Variants in ACOXL observed in about 807,000 individuals in gnomAD.
The protein encoded by ACOXL is acyl-coenzyme A oxidase-like protein.
Under a neutral mutation model 71.9 loss-of-function variants are expected in ACOXL, and 70 were observed. The ratio of observed to expected loss-of-function variants is 0.97; its 90% CI spans 0.80 to 1.19. The LOEUF is 1.19. Among genes scored for constraint, ACOXL ranks in the 50% most tolerant of loss-of-function variants. The pLI is 0.00. For missense variants in ACOXL, 703 were observed against 736.3 expected (o/e 0.95, Z 0.52); for synonymous variants, 253 against 281.6 (o/e 0.90, Z 1.02).
intron 12 of ACOXL, among the ~76,000 whole-genome samples, chr2:110,948,349 T>C (rs1209331734): frequency 2.0e-5 from 3 of 152,202 alleles, no homozygotes; most frequent in African/African-American, 7.2e-5. Context: ...GTAAATTTTT[T>C]CAGAAAGTGA....
chr2:110,746,792 G>T (rs145385920), intron 1 of ACOXL, among the ~76,000 whole-genome samples: 16 of 151,754 alleles, frequency 1.1e-4, no homozygotes, highest in African/African-American at 3.6e-4. Flanking sequence ...CCTGCTTGTC[G>T]GCCTCCCCCT....
At chr2:110,830,779 C>CG (rs1282809885) in intron 9 of ACOXL, among the ~76,000 whole-genome samples, 1 of 152,092 alleles carries the variant, frequency 6.6e-6, no homozygotes, top group African/African-American at 2.4e-5. Flanking sequence ...GTGATCCCCC[C>CG]ACCTCGGCCT....
At chr2:110,733,675 T>C (rs1676476682) in intron 1 of ACOXL, among the ~76,000 whole-genome samples, 1 of 152,154 alleles carries the variant, frequency 6.6e-6, no homozygotes, top group South Asian at 2.1e-4. Context: ...CAGGCTGTCC[T>C]TGGAGAATCT....
intron 10 of ACOXL, among the ~76,000 whole-genome samples, chr2:110,853,449 C>G (rs1297177517): frequency 2.0e-5 from 3 of 152,176 alleles, no homozygotes; most frequent in Non-Finnish European, 4.4e-5. Flanking sequence ...TTGGCATAGG[C>G]TGAATCAAAT....
intron 14 of ACOXL, among the ~76,000 whole-genome samples, chr2:111,003,130 A>AT (rs1254026664): frequency 1.3e-5 from 2 of 152,120 alleles, no homozygotes; most frequent in African/African-American, 4.8e-5. Flanking sequence ...CAAATCATTC[A>AT]TTTTTTCCTG....
At chr2:111,030,816 T>C (rs1419069807) in intron 14 of ACOXL, among the ~76,000 whole-genome samples, 1 of 152,238 alleles carries the variant, frequency 6.6e-6, no homozygotes, top group Non-Finnish European at 1.5e-5. Context: ...AGAAAAGTTT[T>C]ACGGGCCACA....
At chr2:110,841,930 C>T (rs756430032) in intron 10 of ACOXL, among the ~76,000 whole-genome samples, 35 of 152,150 alleles carry the variant, frequency 2.3e-4, no homozygotes, top group Non-Finnish European at 4.7e-4. Context: ...GTGTTGATAT[C>T]AACATTTTCC....
intron 17 of ACOXL, among the ~76,000 whole-genome samples, chr2:111,102,683 G>C (rs2069253282): frequency 1.3e-5 from 2 of 152,006 alleles, no homozygotes; most frequent in Admixed American, 1.3e-4. Context: ...AGACTCATCT[G>C]AGTCCAATCA....
chr2:111,049,176 C>T lies in ACOXL; in HGVS notation c.1370-42C>T, dbSNP rs765242009. The T allele has an allele frequency of 4.1e-5, 60 of 1,467,700 alleles. 1 individual carries two copies. Among genetic ancestry groups the T allele is most frequent in the South Asian group, 3.0e-4 (26 of 87,250 alleles). 90.9% of individuals were successfully genotyped at this position (1,467,700 alleles called of 1,614,324 possible). Reference sequence around the variant, plus strand: ...CCTTCACATCAGAAGGGCTCTGAGGCGGAAGTGAAGTCATTCACAATTTCC... The same window carrying T: ...CCTTCACATCAGAAGGGCTCTGAGGTGGAAGTGAAGTCATTCACAATTTCC... On this transcript the variant is annotated intron_variant, in intron 15 of 17. Transcript: ENST00000439055.
chr2:110,816,496 C>G (rs1197554859), intron 9 of ACOXL, among the ~76,000 whole-genome samples: 4 of 152,146 alleles, frequency 2.6e-5, no homozygotes, highest in Non-Finnish European at 5.9e-5. Flanking sequence ...CTTGTGCACC[C>G]CAGGGTATTT....
intron 17 of ACOXL, among the ~76,000 whole-genome samples, chr2:111,113,324 T>C (rs1457819047): frequency 6.6e-6 from 1 of 152,210 alleles, no homozygotes; most frequent in Non-Finnish European, 1.5e-5. Context: ...TTATGAGTAC[T>C]GAATAAGACA....
chr2:110,984,784 AGGGAGAACAGGAAGGG>A (rs1304651537), intron 12 of ACOXL, among the ~76,000 whole-genome samples: 39 of 152,252 alleles, frequency 2.6e-4, no homozygotes, highest in African/African-American at 8.4e-4. Flanking sequence ...TGGATGAGAT[AGGGAGAACAGGAAGGG>A]AATGTACTTA....
intron 10 of ACOXL, among the ~76,000 whole-genome samples, chr2:110,845,798 T>C (rs183132911): frequency 2.1e-4 from 32 of 152,346 alleles, no homozygotes; most frequent in Non-Finnish European, 1.5e-5. Flanking sequence ...TTCCATAGCA[T>C]GTATAGGCCA....
At chr2:110,938,573 A>G (rs1000708818) in intron 12 of ACOXL, among the ~76,000 whole-genome samples, 1 of 152,234 alleles carries the variant, frequency 6.6e-6, no homozygotes, top group African/African-American at 2.4e-5. Context: ...CTTGATCACT[A>G]CAGCCTAAGT....
chr2:110,975,703 T>C (rs2062414354), intron 12 of ACOXL, among the ~76,000 whole-genome samples: 1 of 151,718 alleles, frequency 6.6e-6, no homozygotes, highest in South Asian at 2.1e-4. Context: ...TTAGTAACCC[T>C]AGGGATGTGT....
At chr2:110,969,622 G>T (rs1241364132) in intron 12 of ACOXL, among the ~76,000 whole-genome samples, 3 of 151,944 alleles carry the variant, frequency 2.0e-5, no homozygotes, top group African/African-American at 7.2e-5. Context: ...ACCAGCCTGG[G>T]CAACATGGTA....
At chr2:110,975,521 C>G (rs2062405398) in intron 12 of ACOXL, among the ~76,000 whole-genome samples, 1 of 151,960 alleles carries the variant, frequency 6.6e-6, no homozygotes, top group Non-Finnish European at 1.5e-5. Flanking sequence ...AAATAAGAAT[C>G]TTTTCTTATA....
chr2:110,967,545 G>GT (rs2061985798), intron 12 of ACOXL, among the ~76,000 whole-genome samples: 1 of 152,168 alleles, frequency 6.6e-6, no homozygotes. Context: ...ACTCAAAGTG[G>GT]TAAAACATTA....
chr2:110,943,040 G>GAAGGAAGGAAGAAAGAA (rs148008513), intron 12 of ACOXL, among the ~76,000 whole-genome samples: 19,406 of 133,074 alleles, frequency 0.15, 1,723 homozygotes, highest in East Asian at 0.34. Context: ...AGGAAGGAAA[G>GAAGGAAGGAAGAAAGAA]AAGGAAGGAA....
Sources: allele counts gnomAD v4.1 joint callset (sites outside exome capture counted in the v4.1 genomes callset), GRCh38; gene constraint gnomAD v4.1.1; transcripts MANE v1.5; gene names NCBI Gene and HGNC (gene_info 2026-07-23, HGNC 2026-07-21).